Variants in DYSF observed in about 807,000 individuals in gnomAD.
The protein encoded by DYSF is dysferlin, also known as dystrophy-associated fer-1-like 1.
Under a neutral mutation model 274.9 loss-of-function variants are expected in DYSF, and 212 were observed. The ratio of observed to expected loss-of-function variants is 0.77; its 90% CI spans 0.69 to 0.86. The LOEUF (loss-of-function observed/expected upper bound fraction) is 0.86. DYSF is among the 40% of genes least tolerant of loss of function. The probability of loss-of-function intolerance (pLI) is 0.00; values close to 1 mark genes in which losing one functional copy is unlikely to be tolerated. For missense variants in DYSF, 2,666 were observed against 2,783.2 expected (o/e 0.96, Z 0.95); for synonymous variants, 1,091 against 1,078.7 (o/e 1.01, Z -0.22).
At chr2:71,495,653 C>T (rs1275511830) in intron 3 of DYSF, among the ~76,000 whole-genome samples, 1 of 152,118 alleles carries the variant, frequency 6.6e-6, no homozygotes, top group Non-Finnish European at 1.5e-5. Context: ...TGAGCCGTAC[C>T]CACTCCTCCC....
rs1021299189 is a variant in DYSF at position 71,597,701 on chromosome 2, G to A, written c.3575-863G>A. 2.0e-5 allele frequency among the ~76,000 whole-genome samples: 3 copies of A among 152,310 alleles called. 1 individual carries two copies. Among genetic ancestry groups the A allele is most frequent in the Admixed American group, 1.3e-4 (2 of 15,298 alleles). On this transcript the variant is annotated intron_variant, in intron 32 of 55. Coordinates refer to ENST00000410020, the MANE Select transcript of DYSF (RefSeq NM_001130987.2). ...ATGAGTTGTGGCTGGGTCCCAGGGT[G>A]GCGTGGCCAAGGCTGGCAGGCTGGA...
In DYSF at chr2:71,585,896, A is replaced by T. The variant is rs570836498; in HGVS notation, c.3403-3697A>T. 5.9e-5 allele frequency among the ~76,000 whole-genome samples: 9 copies of T among 152,236 alleles called. No homozygotes were observed. The East Asian group carries it at 1.7e-3, about 29-fold the overall frequency. ...AGTGCCCAGGAGGGGTACCTAACACATCCTTGCAGGGTGACCTTGATGATA... is the reference window on the plus strand; with the variant it reads ...AGTGCCCAGGAGGGGTACCTAACACTTCCTTGCAGGGTGACCTTGATGATA... On this transcript the variant is annotated intron_variant, in intron 30 of 55. Transcript: ENST00000410020.
chr2:71,665,262 C>T lies in DYSF; in HGVS notation c.5275C>T (p.Arg1759Cys), dbSNP rs757240900. Residue 1759 changes from arginine (R) to cysteine (C), a missense_variant, in exon 47 of 56, where the codon CGT becomes TGT. By Grantham distance (180) the Arg-to-Cys change is radical (BLOSUM62 -3). Coordinates refer to ENST00000410020, the MANE Select transcript of DYSF (RefSeq NM_001130987.2). ...CAAGGCACCTGTGTACCGGACAGAC[C>T]GTGTAATGTTTCAGGATAAAGAATA... Reference protein sequence around the residue: ...RVKAPVYRTDRVMFQDKEYSI... With the variant: ...RVKAPVYRTDCVMFQDKEYSI... 9.9e-6 allele frequency: 16 copies of T among 1,614,046 alleles called. No homozygotes were observed. Among genetic ancestry groups the T allele is most frequent in the African/African-American group, 8.0e-5 (6 of 74,926 alleles).
chr2:71,539,026 G>A, intron 16 of DYSF, 131 bp from the exon 17 acceptor site: 1 of 772,208 alleles, frequency 1.3e-6, no homozygotes. Flanking sequence ...ATACCAAAGT[G>A]AAGACCAGAA....
rs142910657 is a variant in DYSF, at chr2:71,546,377, G to C, written c.1577-4664G>C. 2.0e-3 allele frequency among the ~76,000 whole-genome samples: 312 copies of C among 152,286 alleles called. 1 individual carries two copies. Among genetic ancestry groups the C allele is most frequent in the Non-Finnish European group, 3.6e-3 (246 of 68,028 alleles). ...CTTTCTCTGTATTTCCCCGCCTCAG[G>C]GTTCACCAGATGATTTGGTTCAACT... On this transcript the variant is annotated intron_variant, in intron 17 of 55. Coordinates refer to ENST00000410020, the MANE Select transcript of DYSF (RefSeq NM_001130987.2).
Position 71,574,344 on chromosome 2 carries a change from A to G in DYSF, c.3375A>G (p.Ala1125=), listed in dbSNP as rs1574098655. The change falls in exon 30 of 56, where the codon GCA becomes GCG. Residue 1125 remains alanine (A), a synonymous_variant. Transcript: ENST00000410020. ...RMEPLEKTGP[A]AVFALEGALG... ...AGCCACTGGAGAAGACGGGGCCTGC[A>G]GCTGTGTTTGCCCTTGAGGGGGCCC... 1.2e-6 allele frequency: 2 copies of G among 1,614,030 alleles called. No individual in the cohort carries two copies. Among genetic ancestry groups the G allele is most frequent in the Admixed American group, 1.7e-5 (1 of 60,014 alleles).
intron 1 of DYSF, among the ~76,000 whole-genome samples, chr2:71,472,532 A>G (rs1017548464): frequency 6.6e-5 from 10 of 151,988 alleles, no homozygotes; most frequent in African/African-American, 2.2e-4. Flanking sequence ...TCAGCCTCCC[A>G]AGTAGCTGGG....
rs150623923 is a variant in DYSF at position 71,598,590 on chromosome 2, C to T, written c.3601C>T (p.His1201Tyr). The stretch of plus-strand genomic sequence containing the variant: ...TCCCTATGCCATCGTCTCCTTCCTG[C>T]ACCAGAGCCAGAAGACGGTGGTGGT... ...SDPYAIVSFLHQSQKTVVVKN... is the reference protein window; with the variant it reads ...SDPYAIVSFLYQSQKTVVVKN... The change falls in exon 33 of 56, where the codon CAC becomes TAC. Residue 1201 changes from histidine (H) to tyrosine (Y), a missense_variant. Physicochemically the swap from His to Tyr is moderately conservative, Grantham distance 83 (BLOSUM62 2). This residue lies in a region of DYSF where 1,460 missense variants were observed against 1,502.1 expected (regional missense o/e 0.97). Transcript: ENST00000410020. 1.2e-6 allele frequency: 2 copies of T among 1,614,122 alleles called. No individual in the cohort carries two copies. The highest frequency in any genetic ancestry group is 2.7e-5 in the African/African-American group (2 of 74,954).
intron 44 of DYSF, among the ~76,000 whole-genome samples, chr2:71,659,380 G>T (rs952226637): frequency 6.6e-6 from 1 of 152,204 alleles, no homozygotes; most frequent in Non-Finnish European, 1.5e-5. Flanking sequence ...ATTGCTTAAT[G>T]TGTGTCTAGA....
chr2:71,494,744 G>A (rs575208118), intron 3 of DYSF, among the ~76,000 whole-genome samples: 2 of 152,208 alleles, frequency 1.3e-5, no homozygotes, highest in Non-Finnish European at 2.9e-5. Flanking sequence ...AGACCTCTGG[G>A]TCATTAGGTT....
chr2:71,499,275 G>T (rs1265564360), intron 3 of DYSF, among the ~76,000 whole-genome samples: 1 of 152,156 alleles, frequency 6.6e-6, no homozygotes, highest in East Asian at 1.9e-4. Context: ...TCACTTAACA[G>T]TGTATCTTGA....
chr2:71,543,105 G>A (rs1434482469), intron 17 of DYSF, among the ~76,000 whole-genome samples: 2 of 149,188 alleles, frequency 1.3e-5, no homozygotes, highest in South Asian at 2.1e-4. Flanking sequence ...ACTTCCAGAC[G>A]GGGCGGCTGC....
chr2:71,561,640 G>C (rs2091772005), intron 22 of DYSF, 112 bp from the exon 23 acceptor site: 3 of 1,302,272 alleles, frequency 2.3e-6, no homozygotes, highest in Non-Finnish European at 3.3e-6. Flanking sequence ...AAGGCACCCA[G>C]CAGGCAGGCG....
At chr2:71,602,695 T>G in intron 35 of DYSF, 81 bp from the exon 36 acceptor site, 1 of 1,519,878 alleles carries the variant, frequency 6.6e-7, no homozygotes, top group African/African-American at 1.4e-5. Flanking sequence ...TAGTGCGCCT[T>G]GATACTAATA....
chr2:71,483,987 C>T (rs1183454733), intron 3 of DYSF, among the ~76,000 whole-genome samples: 1 of 149,112 alleles, frequency 6.7e-6, no homozygotes, highest in African/African-American at 2.5e-5. Flanking sequence ...AGCAGAAGCA[C>T]ATGTTTCATT....
At chr2:71,621,445 T>A (rs563505893) in intron 41 of DYSF, among the ~76,000 whole-genome samples, 1 of 152,190 alleles carries the variant, frequency 6.6e-6, no homozygotes, top group East Asian at 1.9e-4. Flanking sequence ...TAAAACCACT[T>A]TTATTCCTAC....
At chr2:71,513,670 G>T (rs1006879763) in intron 6 of DYSF, 46 bp from the exon 7 acceptor site, 1 of 1,600,408 alleles carries the variant, frequency 6.2e-7, no homozygotes. Flanking sequence ...AGGGGCAGGG[G>T]CAGGGCCAGA....
chr2:71,569,919 C>G lies in DYSF; in HGVS notation c.2964C>G (p.Asp988Glu). ...GAGGCCAGTGGATCTACATGAGTGACAACTACACCGATGTGGTAAAGCAGG... is the reference window on the plus strand; with the variant it reads ...GAGGCCAGTGGATCTACATGAGTGAGAACTACACCGATGTGGTAAAGCAGG... The part of the protein sequence containing the change: ...LPGGQWIYMS[D>E]NYTDVNGEKV... Residue 988 changes from aspartate (D) to glutamate (E), a missense_variant, in exon 27 of 56, where the codon GAC becomes GAG. Around this residue, in one of 3 missense-constraint regions of DYSF, gnomAD observed 1,460 missense variants for 1,502.1 expected, o/e 0.97. Transcript: ENST00000410020. The G allele has an allele frequency of 6.2e-7, 1 of 1,614,036 alleles. No individual in the cohort carries two copies. The highest frequency in any genetic ancestry group is 8.5e-7 in the Non-Finnish European group (1 of 1,179,958).
chr2:71,551,779 C>T, intron 19 of DYSF, 59 bp downstream of exon 19: 4 of 1,411,896 alleles, frequency 2.8e-6, no homozygotes, highest in Non-Finnish European at 3.9e-6. Flanking sequence ...GATGGCCAGG[C>T]TGGGACTGGC....
Sources: gnomAD v4.1 joint callset for allele counts (sites outside exome capture counted in the v4.1 genomes callset) on GRCh38, gnomAD v4.1.1 for gene constraint, gnomAD v4.1.1 regional missense constraint, MANE v1.5 for transcripts, NCBI Gene and HGNC (gene_info 2026-07-23, HGNC 2026-07-21) for gene names.